TMIGD3: variants seen among roughly 807,000 people sequenced by gnomAD.
TMIGD3 encodes the protein AD026 protein (AD026).
Under a neutral mutation model 28.1 loss-of-function variants are expected in TMIGD3, and 21 were observed. That is an observed-to-expected ratio of 0.75 (90% CI 0.53 to 1.08). The LOEUF (loss-of-function observed/expected upper bound fraction) is 1.08. TMIGD3 is among the 50% of genes least tolerant of loss of function. The pLI is 0.00. For missense variants in TMIGD3, 416 were observed against 435.6 expected (o/e 0.96, Z 0.40); for synonymous variants, 151 against 162.1 (o/e 0.93, Z 0.52).
intron 1 of TMIGD3, among the ~76,000 whole-genome samples, chr1:111,515,863 C>G (rs1655847543): frequency 6.6e-6 from 1 of 152,310 alleles, no homozygotes; most frequent in African/African-American, 2.4e-5. Context: ...CCGGGGAGGC[C>G]GGAGGGAGGG....
intron 1 of TMIGD3, among the ~76,000 whole-genome samples, chr1:111,533,842 C>T (rs1460635930): frequency 6.6e-6 from 1 of 152,162 alleles, no homozygotes; most frequent in Non-Finnish European, 1.5e-5. Flanking sequence ...GCATGAGCCA[C>T]CATGTCCGGC....
In TMIGD3 at chr1:111,484,088, C is replaced by A. The variant is rs1019492688; in HGVS notation, c.974-331G>T. Among the ~76,000 whole-genome samples, 47 of 152,324 alleles carry A rather than the reference C, an allele frequency of 3.1e-4. 1 individual carries two copies. The South Asian group carries it at 6.8e-3, about 22-fold the overall frequency. ...GGAAGCAGGCCATGGCTACAACAGG[C>A]TGTACAACTTCTTGCTAAAAAGAAG... On this transcript the variant is annotated intron_variant, in intron 5 of 5. Coordinates refer to ENST00000369716, the MANE Select transcript of TMIGD3 (RefSeq NM_020683.7).
intron 1 of TMIGD3, among the ~76,000 whole-genome samples, chr1:111,491,937 G>T (rs1654686255): frequency 6.6e-6 from 1 of 152,138 alleles, no homozygotes; most frequent in Non-Finnish European, 1.5e-5. Context: ...CCCTTATGTA[G>T]TCCCCTCCCA....
chr1:111,520,099 G>C (rs1656006602), intron 1 of TMIGD3, among the ~76,000 whole-genome samples: 1 of 152,134 alleles, frequency 6.6e-6, no homozygotes, highest in Non-Finnish European at 1.5e-5. Context: ...TTTCCATATG[G>C]TCTTCAATGC....
At chr1:111,523,305 CCTCTCATTT>C (rs1656143261) in intron 1 of TMIGD3, among the ~76,000 whole-genome samples, 2 of 152,140 alleles carry the variant, frequency 1.3e-5, no homozygotes, top group Non-Finnish European at 2.9e-5. Flanking sequence ...AGTGAATAGA[CCTCTCATTT>C]CTGGGATAAA....
chr1:111,489,278 ACATAGGGT>A (rs1364905522), intron 2 of TMIGD3, among the ~76,000 whole-genome samples: 1 of 152,238 alleles, frequency 6.6e-6, no homozygotes, highest in Non-Finnish European at 1.5e-5. Context: ...AATTAAGTTA[ACATAGGGT>A]CATTGGGGTA....
intron 1 of TMIGD3, among the ~76,000 whole-genome samples, chr1:111,551,681 A>G (rs1418911215): frequency 6.6e-6 from 1 of 151,942 alleles, no homozygotes; most frequent in Non-Finnish European, 1.5e-5. Context: ...AACATCTTTT[A>G]TATTTATCTA....
intron 1 of TMIGD3, among the ~76,000 whole-genome samples, chr1:111,533,780 C>G (rs893583497): frequency 6.6e-6 from 1 of 152,166 alleles, no homozygotes; most frequent in Non-Finnish European, 1.5e-5. Context: ...GTCTCGAACT[C>G]CTGAACTCAA....
chr1:111,547,083 T>C (rs571863428), intron 1 of TMIGD3, among the ~76,000 whole-genome samples: 2 of 152,326 alleles, frequency 1.3e-5, no homozygotes, highest in Non-Finnish European at 1.5e-5. Context: ...ATTGCTAATA[T>C]ATAGAAATAC....
chr1:111,486,491 G>A lies in TMIGD3; in HGVS notation c.872+95C>T, dbSNP rs553301006. ...ATAATGTGCAGTAGAAAAGTTGTCGGTGCAAATCAACTGTCATATCATACT... is the reference window on the plus strand; with the variant it reads ...ATAATGTGCAGTAGAAAAGTTGTCGATGCAAATCAACTGTCATATCATACT... On this transcript the variant is annotated intron_variant, in intron 4 of 5. Transcript: ENST00000369716. 2.9e-4 allele frequency: 259 copies of A among 901,910 alleles called. No homozygotes were observed. The African/African-American group carries it at 3.8e-3, about 13-fold the overall frequency. The allele number at this position is 901,910 out of a possible 1,614,324, so 55.9% of individuals were successfully genotyped here.
chr1:111,517,580 A>G (rs1239448700), intron 1 of TMIGD3, among the ~76,000 whole-genome samples: 2 of 152,344 alleles, frequency 1.3e-5, no homozygotes, highest in East Asian at 3.9e-4. Flanking sequence ...TCAAAACCCC[A>G]GCCCTGCCAC....
At chr1:111,524,107 G>A (rs1250303855) in intron 1 of TMIGD3, among the ~76,000 whole-genome samples, 2 of 142,438 alleles carry the variant, frequency 1.4e-5, no homozygotes, top group Non-Finnish European at 3.0e-5. Flanking sequence ...TCGGCTCACT[G>A]CAAGCTCCGC....
intron 1 of TMIGD3, among the ~76,000 whole-genome samples, chr1:111,547,544 TG>T (rs1468397644): frequency 1.3e-4 from 20 of 152,216 alleles, no homozygotes; most frequent in Admixed American, 1.3e-3. Flanking sequence ...AAGACACTTT[TG>T]TAAGTGATGA....
chr1:111,541,522 G>A (rs1328851886), intron 1 of TMIGD3, among the ~76,000 whole-genome samples: 1 of 152,142 alleles, frequency 6.6e-6, no homozygotes, highest in African/African-American at 2.4e-5. Context: ...CCAAGTTGGA[G>A]GTGTCAATGA....
Position 111,500,660 on chromosome 1 carries a change from C to T in TMIGD3, c.350+2345G>A, listed in dbSNP as rs966610604. 14 of 1,119,502 alleles carry T rather than the reference C, an allele frequency of 1.3e-5. No individual in the cohort carries two copies. In the African/African-American group the frequency reaches 1.9e-4, roughly 15 times the overall value. The allele number at this position is 1,119,502 out of a possible 1,614,324, so 69.3% of individuals were successfully genotyped here. On this transcript the variant is annotated intron_variant, in intron 1 of 5. Transcript: ENST00000369716. Reference sequence around the variant, plus strand: ...AGAGAGAGGTGAGATAAGGCATATACTCTCTTAATTCTCCAATCTTCTGCT... The same window carrying T: ...AGAGAGAGGTGAGATAAGGCATATATTCTCTTAATTCTCCAATCTTCTGCT...
chr1:111,495,905 C>CA (rs1654866401), intron 1 of TMIGD3, among the ~76,000 whole-genome samples: 2 of 151,858 alleles, frequency 1.3e-5, no homozygotes, highest in South Asian at 2.1e-4. Context: ...AATGCAGTAA[C>CA]AAAAAAACAA....
upstream of TMIGD3, among the ~76,000 whole-genome samples, chr1:111,506,131 G>C (rs573541696): frequency 5.9e-5 from 9 of 152,134 alleles, no homozygotes; most frequent in Non-Finnish European, 1.2e-4. Flanking sequence ...CTCTCCTCTG[G>C]GACCACACTG....
intron 1 of TMIGD3, among the ~76,000 whole-genome samples, chr1:111,525,944 A>G (rs6658693): frequency 2.6e-5 from 4 of 151,944 alleles, no homozygotes; most frequent in Non-Finnish European, 5.9e-5. Flanking sequence ...ATCTAATCTG[A>G]TAATCTCTGC....
chr1:111,561,572 T>A (rs1395405922), intron 1 of TMIGD3, among the ~76,000 whole-genome samples: 1 of 152,150 alleles, frequency 6.6e-6, no homozygotes, highest in Non-Finnish European at 1.5e-5. Flanking sequence ...AGTCTCCACA[T>A]CAAGGCCACA....
Sources: gnomAD v4.1 joint callset for allele counts (sites outside exome capture counted in the v4.1 genomes callset) on GRCh38, gnomAD v4.1.1 for gene constraint, MANE v1.5 for transcripts, NCBI Gene and HGNC (gene_info 2026-07-23, HGNC 2026-07-21) for gene names.